The following COL19A1 variants were observed in gnomAD, a reference collection of about 807,000 sequenced individuals.
The protein encoded by COL19A1 is collagen type XIX alpha 1 chain.
Under a neutral mutation model 190.2 loss-of-function variants are expected in COL19A1, and 159 were observed. The observed-to-expected ratio is 0.84, with a 90% CI of 0.73 to 0.95. The LOEUF (loss-of-function observed/expected upper bound fraction) is 0.95, where lower values mean the gene tolerates loss of function less well. Among genes scored for constraint, COL19A1 ranks in the 40% least tolerant of loss-of-function variants. The probability of loss-of-function intolerance (pLI) is 0.00; values close to 1 mark genes in which losing one functional copy is unlikely to be tolerated. For missense variants in COL19A1, 1,418 were observed against 1,431.9 expected, an observed-to-expected ratio of 0.99 and a Z score of 0.16; for synonymous variants, 509 against 458.9, an observed-to-expected ratio of 1.11 and a Z score of -1.39.
chr6:69,876,488 A>G (rs1768137257), intron 1 of COL19A1, among the ~76,000 whole-genome samples: 2 of 151,592 alleles, frequency 1.3e-5, no homozygotes, highest in Admixed American at 1.3e-4. Context: ...TACAGCAAAC[A>G]ATTATAATAT....
chr6:69,948,289 C>T (rs998092991), intron 9 of COL19A1, among the ~76,000 whole-genome samples: 3 of 151,800 alleles, frequency 2.0e-5, no homozygotes, highest in Non-Finnish European at 2.9e-5. Context: ...GTGAGACTTA[C>T]GTACATTTAC....
At chr6:69,911,066 G>T (rs1277705338) in intron 4 of COL19A1, among the ~76,000 whole-genome samples, 1 of 152,098 alleles carries the variant, frequency 6.6e-6, no homozygotes, top group Admixed American at 6.5e-5. Context: ...TTTTCTGTAG[G>T]CTGATTGGAC....
chr6:69,993,566 G>C (rs901984071), intron 11 of COL19A1, among the ~76,000 whole-genome samples: 17 of 152,152 alleles, frequency 1.1e-4, no homozygotes, highest in African/African-American at 3.9e-4. Flanking sequence ...AGTAGAATTG[G>C]CTGTGGATCT....
At chr6:70,156,061 A>G in intron 31 of COL19A1, 66 bp from the exon 32 acceptor site, 2 of 1,444,034 alleles carry the variant, frequency 1.4e-6, no homozygotes, top group South Asian at 1.3e-5. Flanking sequence ...TTCACATCAC[A>G]TGAAACCTCA....
At chr6:69,915,219 C>T (rs565143553) in intron 4 of COL19A1, among the ~76,000 whole-genome samples, 37 of 152,336 alleles carry the variant, frequency 2.4e-4, no homozygotes, top group Non-Finnish European at 5.0e-4. Flanking sequence ...TTATGAGCTT[C>T]ATTATTGTCT....
At chr6:70,018,749 G>A (rs1196228917) in intron 11 of COL19A1, among the ~76,000 whole-genome samples, 1 of 152,136 alleles carries the variant, frequency 6.6e-6, no homozygotes, top group Non-Finnish European at 1.5e-5. Flanking sequence ...ACGTATCATT[G>A]TGGGTAACTG....
rs868287484 is a variant in COL19A1, at chr6:69,921,940, T to C, written c.267-5969T>C. On this transcript the variant is annotated intron_variant, in intron 4 of 50. Transcript: ENST00000620364. ...AATAAGCAATGGATAGGATTTCTTA[T>C]AGGAAATTACACTCCATTCAAAATA... 4.6e-5 allele frequency among the ~76,000 whole-genome samples: 7 copies of C among 152,012 alleles called. No individual in the cohort carries two copies. The South Asian group carries it at 6.2e-4, about 14-fold the overall frequency.
At chr6:70,160,682 T>C (rs571474718) in intron 34 of COL19A1, among the ~76,000 whole-genome samples, 1 of 152,292 alleles carries the variant, frequency 6.6e-6, no homozygotes, top group East Asian at 1.9e-4. Flanking sequence ...ATTCAGTATG[T>C]ATATCATGTT....
At chr6:69,985,391 A>G (rs1315814534) in intron 11 of COL19A1, among the ~76,000 whole-genome samples, 4 of 152,154 alleles carry the variant, frequency 2.6e-5, no homozygotes, top group Non-Finnish European at 4.4e-5. Context: ...CCAGAGGTCT[A>G]TGGTCCAGTG....
chr6:70,067,126 T>A (rs1395212296), intron 14 of COL19A1, among the ~76,000 whole-genome samples: 2 of 152,128 alleles, frequency 1.3e-5, no homozygotes, highest in Admixed American at 1.3e-4. Flanking sequence ...TGCAAGGCAC[T>A]AGGAGACTGA....
Position 70,156,434 on chromosome 6 carries a change from G to A in COL19A1, c.2238+65G>A, listed in dbSNP as rs185110661. 56 of 1,483,744 alleles carry A rather than the reference G, an allele frequency of 3.8e-5. No homozygotes were observed. In the East Asian group the frequency reaches 8.4e-4, roughly 22 times the overall value. The allele number at this position is 1,483,744 out of a possible 1,614,324, so 91.9% of individuals were successfully genotyped here. ...CAATTTAGTATGAAAAAAAGAACCC[G>A]ATTTGAAAATAGACAACTTTTAAAA... On this transcript the variant is annotated intron_variant, in intron 33 of 50. Transcript: ENST00000620364.
At chr6:69,923,942 T>C (rs1318636323) in intron 4 of COL19A1, among the ~76,000 whole-genome samples, 1 of 152,190 alleles carries the variant, frequency 6.6e-6, no homozygotes, top group African/African-American at 2.4e-5. Context: ...GAGCAGAAAC[T>C]TCAGGAGTCA....
At chr6:70,206,095 A>G (rs1411677644) in intron 49 of COL19A1, among the ~76,000 whole-genome samples, 1 of 152,220 alleles carries the variant, frequency 6.6e-6, no homozygotes, top group Admixed American at 6.5e-5. Context: ...CATTTATTAG[A>G]ATCTTGAATT....
intron 50 of COL19A1, 74 bp downstream of exon 50, chr6:70,207,052 T>TA: frequency 3.1e-6 from 5 of 1,603,116 alleles, no homozygotes; most frequent in Non-Finnish European, 4.3e-6. Context: ...CTAGGGTCCT[T>TA]ATATGTCAAG....
chr6:70,181,969 A>G (rs1766205213), intron 44 of COL19A1, among the ~76,000 whole-genome samples: 1 of 152,218 alleles, frequency 6.6e-6, no homozygotes, highest in South Asian at 2.1e-4. Context: ...CAGACCATGA[A>G]GAACTTCCAA....
intron 41 of COL19A1, among the ~76,000 whole-genome samples, chr6:70,175,740 A>T (rs1765762415): frequency 6.6e-6 from 1 of 152,118 alleles, no homozygotes; most frequent in African/African-American, 2.4e-5. Flanking sequence ...GTATCATTTG[A>T]TCACACTGCA....
intron 4 of COL19A1, among the ~76,000 whole-genome samples, chr6:69,925,903 A>G (rs1359652382): frequency 6.6e-6 from 1 of 152,180 alleles, no homozygotes; most frequent in East Asian, 1.9e-4. Context: ...TTATTGGTGT[A>G]TAAGAATGCT....
intron 31 of COL19A1, among the ~76,000 whole-genome samples, chr6:70,152,618 T>A (rs1787136513): frequency 6.6e-6 from 1 of 152,118 alleles, no homozygotes; most frequent in Non-Finnish European, 1.5e-5. Flanking sequence ...TTAATTTCCT[T>A]AATAATCTTA....
chr6:70,125,843 G>T (rs79378243), intron 17 of COL19A1, among the ~76,000 whole-genome samples: 5,860 of 152,244 alleles, frequency 0.038, 150 homozygotes, highest in Non-Finnish European at 0.06. Flanking sequence ...ATCTGCTCAT[G>T]TTCCAGTAAA....
Sources: gnomAD v4.1 joint callset for allele counts (sites outside exome capture counted in the v4.1 genomes callset) on GRCh38, gnomAD v4.1.1 for gene constraint, MANE v1.5 for transcripts, NCBI Gene and HGNC (gene_info 2026-07-23, HGNC 2026-07-21) for gene names.